Variants in CTNNA2 observed in about 807,000 individuals in gnomAD.
The protein encoded by CTNNA2 is catenin alpha 2, also known as catenin alpha-2.
In CTNNA2, 42 loss-of-function variants were observed where a neutral mutation model predicts 101.0. The observed-to-expected ratio is 0.42, with a 90% CI of 0.32 to 0.54. The LOEUF (loss-of-function observed/expected upper bound fraction) is 0.54, where lower values mean the gene tolerates loss of function less well. Among genes scored for constraint, CTNNA2 ranks in the 20% least tolerant of loss-of-function variants. The pLI, the probability that CTNNA2 is intolerant of heterozygous loss-of-function variation, is 0.14. For missense variants in CTNNA2, 871 were observed against 1,223.1 expected (o/e 0.71, Z 4.29); for synonymous variants, 450 against 456.4 (o/e 0.99, Z 0.18).
intron 3 of CTNNA2, among the ~76,000 whole-genome samples, chr2:79,749,236 G>A (rs1671845290): frequency 6.6e-6 from 1 of 152,020 alleles, no homozygotes; most frequent in Admixed American, 6.6e-5. Flanking sequence ...AGATTCCCTA[G>A]CTCAGCAGAC....
chr2:79,211,362 G>T (rs1674170420), intron 2 of CTNNA2, among the ~76,000 whole-genome samples: 1 of 152,196 alleles, frequency 6.6e-6, no homozygotes, highest in Non-Finnish European at 1.5e-5. Context: ...GCGTCCGTGA[G>T]AAGAGACCAC....
At chr2:79,959,044 G>A (rs1379801443) in intron 7 of CTNNA2, among the ~76,000 whole-genome samples, 1 of 144,070 alleles carries the variant, frequency 6.9e-6, no homozygotes, top group Non-Finnish European at 1.5e-5. Flanking sequence ...CTCGACTGTA[G>A]CTCCGTTTTT....
chr2:79,982,234 A>ATG (rs1268273955), intron 7 of CTNNA2, among the ~76,000 whole-genome samples: 1 of 96,034 alleles, frequency 1.0e-5, no homozygotes, highest in African/African-American at 4.5e-5. Context: ...ATATATATAT[A>ATG]TATATATGTA....
chr2:80,081,367 T>C (rs1484342130), intron 7 of CTNNA2, among the ~76,000 whole-genome samples: 1 of 151,314 alleles, frequency 6.6e-6, no homozygotes, highest in Non-Finnish European at 1.5e-5. Context: ...AAATGGGGGA[T>C]TTTAAAACAT....
At chr2:79,529,007 G>A (rs1672583189) in intron 1 of CTNNA2, among the ~76,000 whole-genome samples, 1 of 152,112 alleles carries the variant, frequency 6.6e-6, no homozygotes, top group African/African-American at 2.4e-5. Flanking sequence ...AGTGTTTAAA[G>A]TAAAACAGAA....
chr2:80,458,319 T>A (rs1444611343), intron 9 of CTNNA2, among the ~76,000 whole-genome samples: 3 of 152,226 alleles, frequency 2.0e-5, no homozygotes, highest in Non-Finnish European at 4.4e-5. Flanking sequence ...TGTGTATTAA[T>A]CAGATGTGGA....
intron 7 of CTNNA2, among the ~76,000 whole-genome samples, chr2:80,137,992 A>T (rs1220840765): frequency 1.3e-5 from 2 of 152,302 alleles, no homozygotes; most frequent in Middle Eastern, 3.4e-3. Flanking sequence ...GACAAGTTCA[A>T]ACTCAGTTTT....
chr2:80,537,915 C>T (rs774161396), intron 9 of CTNNA2, among the ~76,000 whole-genome samples: 12 of 152,042 alleles, frequency 7.9e-5, no homozygotes, highest in Admixed American at 2.6e-4. Context: ...TTTTAATGAT[C>T]GCCATTCTAA....
At chr2:80,411,471 G>T (rs1420624675) in intron 8 of CTNNA2, among the ~76,000 whole-genome samples, 1 of 152,148 alleles carries the variant, frequency 6.6e-6, no homozygotes, top group Non-Finnish European at 1.5e-5. Context: ...CTCCACAGGG[G>T]CTCTTCTTCT....
intron 9 of CTNNA2, among the ~76,000 whole-genome samples, chr2:80,452,040 C>A (rs765510160): frequency 3.3e-5 from 5 of 152,168 alleles, no homozygotes; most frequent in African/African-American, 9.7e-5. Context: ...CTAATTATAA[C>A]AATATTTAAG....
intron 7 of CTNNA2, among the ~76,000 whole-genome samples, chr2:80,216,533 A>T (rs1417563223): frequency 6.6e-6 from 1 of 152,204 alleles, no homozygotes; most frequent in African/African-American, 2.4e-5. Flanking sequence ...TTGATCCCTC[A>T]TGAATGAGAT....
chr2:80,141,888 C>T (rs1703035311), intron 7 of CTNNA2, among the ~76,000 whole-genome samples: 1 of 148,302 alleles, frequency 6.7e-6, no homozygotes, highest in African/African-American at 2.5e-5. Flanking sequence ...GGGTCTCACT[C>T]TAAAGATAAC....
intron 7 of CTNNA2, among the ~76,000 whole-genome samples, chr2:80,166,102 C>A (rs1324800987): frequency 6.6e-6 from 1 of 151,850 alleles, no homozygotes; most frequent in Non-Finnish European, 1.5e-5. Flanking sequence ...GATCTTTGAC[C>A]CTAGTTCCTG....
chr2:79,824,846 A>T (rs994261727), intron 3 of CTNNA2, among the ~76,000 whole-genome samples: 1 of 152,118 alleles, frequency 6.6e-6, no homozygotes, highest in Non-Finnish European at 1.5e-5. Flanking sequence ...TTTGTTTTCA[A>T]ATTCCTCAAC....
chr2:79,219,163 T>TA (rs1364078348), intron 2 of CTNNA2, among the ~76,000 whole-genome samples: 1 of 152,208 alleles, frequency 6.6e-6, no homozygotes, highest in Non-Finnish European at 1.5e-5. Flanking sequence ...ACATTATTCT[T>TA]AATGGCTATG....
At chr2:79,364,647 A>G (rs1036759750) in intron 3 of CTNNA2, among the ~76,000 whole-genome samples, 2 of 152,176 alleles carry the variant, frequency 1.3e-5, no homozygotes, top group Non-Finnish European at 2.9e-5. Flanking sequence ...AGTCTAAAGT[A>G]AAAATTTCAA....
At chr2:79,597,987 A>T (rs1298734824) in intron 1 of CTNNA2, among the ~76,000 whole-genome samples, 1 of 152,176 alleles carries the variant, frequency 6.6e-6, no homozygotes, top group African/African-American at 2.4e-5. Flanking sequence ...CTGACCACTA[A>T]TCTTTTTACT....
chr2:80,533,004 G>T (rs1690675086), intron 9 of CTNNA2, among the ~76,000 whole-genome samples: 1 of 152,112 alleles, frequency 6.6e-6, no homozygotes. Flanking sequence ...CTTGAACGGG[G>T]AGCCATGGGA....
At chr2:80,453,757 A>G (rs1188700580) in intron 9 of CTNNA2, among the ~76,000 whole-genome samples, 3 of 152,210 alleles carry the variant, frequency 2.0e-5, no homozygotes, top group Non-Finnish European at 4.4e-5. Flanking sequence ...AGTTTCAATC[A>G]GAATGATTTT....
Sources: allele counts gnomAD v4.1 joint callset (sites outside exome capture counted in the v4.1 genomes callset), GRCh38; gene constraint gnomAD v4.1.1; transcripts MANE v1.5; gene names NCBI Gene and HGNC (gene_info 2026-07-23, HGNC 2026-07-21).